Variants in PALM2AKAP2 observed in about 807,000 individuals in gnomAD.
PALM2AKAP2 encodes PALM2 and AKAP2 fusion.
In PALM2AKAP2, 37 loss-of-function variants were observed where a neutral mutation model predicts 71.5. That is an observed-to-expected ratio of 0.52 (90% confidence interval 0.40 to 0.68). The LOEUF is 0.68. PALM2AKAP2 is among the 30% of genes least tolerant of loss of function. PALM2AKAP2 has a pLI of 0.00. For synonymous variants in PALM2AKAP2, 468 were observed against 478.8 expected, an observed-to-expected ratio of 0.98 and a Z score of 0.29; for missense variants, 1,224 against 1,191.8, an observed-to-expected ratio of 1.03 and a Z score of -0.40.
chr9:109,931,264 C>T (rs1026168430), intron 5 of PALM2AKAP2, among the ~76,000 whole-genome samples: 1 of 152,194 alleles, frequency 6.6e-6, no homozygotes, highest in African/African-American at 2.4e-5. Flanking sequence ...CTAATGGGCT[C>T]CTTCTTTTAC....
exon 4 of PALM2AKAP2, chr9:110,170,629 T>C (rs774846221): frequency 6.6e-6 from 1 of 152,244 alleles, no homozygotes; most frequent in Non-Finnish European, 1.5e-5. Context: ...GAATGAATTC[T>C]CAACAAAATG....
At position 109,925,045 on chromosome 9, in the gene PALM2AKAP2, G is replaced by C; in HGVS notation, c.373-16G>C. On this transcript the variant is annotated splice_polypyrimidine_tract_variant and intron_variant, in intron 4 of 9. Coordinates refer to the PALM2AKAP2 transcript ENST00000302798. ...CACATGTAGAGTAACGCTCTGCCTT[G>C]TTTTTGTTCCTACAGGGTTTCTCCA... is the stretch of plus-strand genomic sequence containing the variant. 1 of 1,614,120 alleles carries C rather than the reference G, an allele frequency of 6.2e-7. No homozygotes were observed. Among genetic ancestry groups the C allele is most frequent in the African/African-American group, 1.3e-5 (1 of 75,020 alleles).
At chr9:109,690,613 T>C (rs2118545077) in intron 1 of PALM2AKAP2, among the ~76,000 whole-genome samples, 1 of 152,312 alleles carries the variant, frequency 6.6e-6, no homozygotes, top group Non-Finnish European at 1.5e-5. Context: ...GGATACACAT[T>C]TATGATTTTT....
At chr9:109,829,504 C>G (rs546192231) in intron 1 of PALM2AKAP2, among the ~76,000 whole-genome samples, 1 of 152,126 alleles carries the variant, frequency 6.6e-6, no homozygotes, top group East Asian at 1.9e-4. Context: ...TTAGGACTAT[C>G]CTGCTCATTA....
At chr9:110,067,264 A>C (rs1834101025) in intron 1 of PALM2AKAP2, among the ~76,000 whole-genome samples, 1 of 152,186 alleles carries the variant, frequency 6.6e-6, no homozygotes, top group African/African-American at 2.4e-5. Flanking sequence ...CAAATATTGA[A>C]ATACTCTCAT....
rs71495118 is a variant in PALM2AKAP2 at position 110,058,826 on chromosome 9, T to A, written c.156+9971T>A. ...TCTTCTCTTTCTTCCTTTTCTGAGCTGAACAGCAACCTGTATCAATACTGG... is the reference window on the plus strand; with the variant it reads ...TCTTCTCTTTCTTCCTTTTCTGAGCAGAACAGCAACCTGTATCAATACTGG... On this transcript the variant is annotated intron_variant, in intron 1 of 3. Coordinates refer to ENST00000374525, the Ensembl canonical transcript of PALM2AKAP2. 7.7e-3 allele frequency among the ~76,000 whole-genome samples: 1,175 copies of A among 152,076 alleles called. 9 individuals are homozygous for A. Among genetic ancestry groups the A allele is most frequent in the Admixed American group, 0.011 (170 of 15,266 alleles).
chr9:109,854,240 G>A (rs1445853931), intron 1 of PALM2AKAP2, among the ~76,000 whole-genome samples: 1 of 152,218 alleles, frequency 6.6e-6, no homozygotes, highest in Non-Finnish European at 1.5e-5. Context: ...CCAAAGAGGA[G>A]ACATAAGAAG....
chr9:110,014,962 T>C (rs1357962017), intron 6 of PALM2AKAP2, among the ~76,000 whole-genome samples: 1 of 151,016 alleles, frequency 6.6e-6, no homozygotes, highest in Non-Finnish European at 1.5e-5. Context: ...TTTACTATAT[T>C]GTGTTTAAAG....
chr9:110,114,198 CT>C (rs1349481054), intron 1 of PALM2AKAP2, among the ~76,000 whole-genome samples: 2 of 152,310 alleles, frequency 1.3e-5, no homozygotes, highest in African/African-American at 4.8e-5. Context: ...CGTTCCATGC[CT>C]TTCTCCTAGC....
At position 109,848,563 on chromosome 9, in the gene PALM2AKAP2, T is replaced by C. The variant is rs370355072; in HGVS notation, c.46-18928T>C. 1.2e-4 allele frequency among the ~76,000 whole-genome samples: 19 copies of C among 152,290 alleles called. No individual in the cohort carries two copies. The East Asian group carries it at 3.7e-3, about 29-fold the overall frequency. On this transcript the variant is annotated intron_variant, in intron 1 of 9. Transcript: ENST00000302798. Reference sequence around the variant, plus strand: ...CAGGACTGAGGGAAGTAGTCAGTTCTTGGTGCTCTCTAATAGGGCTCTGAA... The same window carrying C: ...CAGGACTGAGGGAAGTAGTCAGTTCCTGGTGCTCTCTAATAGGGCTCTGAA...
chr9:110,039,695 T>TAGC (rs10536981), intron 7 of PALM2AKAP2, among the ~76,000 whole-genome samples: 7 of 151,306 alleles, frequency 4.6e-5, no homozygotes, highest in Admixed American at 1.3e-4. Flanking sequence ...TCAAACATAG[T>TAGC]AGCAGCAGCA....
At chr9:109,671,285 G>A (rs1827567680) in intron 1 of PALM2AKAP2, among the ~76,000 whole-genome samples, 1 of 152,164 alleles carries the variant, frequency 6.6e-6, no homozygotes, top group South Asian at 2.1e-4. Context: ...TCTGTATATA[G>A]TATAAGAAAG....
Position 110,168,435 on chromosome 9 carries a change from G to A in PALM2AKAP2, c.2785G>A (p.Ala929Thr), listed in dbSNP as rs770438173. The change falls in exon 4 of 4, where the codon GCA (alanine) becomes ACA (threonine). Residue 929 changes from alanine to threonine, a missense_variant. By Grantham distance (58) the Ala-to-Thr change is moderately conservative. Coordinates refer to ENST00000374525, the Ensembl canonical transcript of PALM2AKAP2. ...CACACGGGTTAATCGAAGAAAGAGC[G>A]CACTGGCTTTGCGCTGGGAAGCAGG... 2.3e-5 allele frequency: 37 copies of A among 1,614,046 alleles called. No homozygotes were observed. Among genetic ancestry groups the A allele is most frequent in the Admixed American group, 1.7e-4 (10 of 59,990 alleles).
chr9:109,984,201 G>A (rs1832330892), intron 6 of PALM2AKAP2, among the ~76,000 whole-genome samples: 1 of 152,140 alleles, frequency 6.6e-6, no homozygotes, highest in South Asian at 2.1e-4. Flanking sequence ...GTACAGTGAA[G>A]TATATCTCTA....
intron 1 of PALM2AKAP2, among the ~76,000 whole-genome samples, chr9:109,753,152 A>G (rs1172026924): frequency 1.3e-5 from 2 of 152,156 alleles, no homozygotes. Context: ...TTCAAAGCCC[A>G]TGTTCATTTT....
intron 3 of PALM2AKAP2, among the ~76,000 whole-genome samples, chr9:109,897,658 G>A (rs1830233574): frequency 6.6e-6 from 1 of 152,158 alleles, no homozygotes; most frequent in Non-Finnish European, 1.5e-5. Context: ...TTTGCTTCAA[G>A]CAAATGGAAT....
chr9:109,797,683 G>C (rs1389239881), intron 1 of PALM2AKAP2, among the ~76,000 whole-genome samples: 2 of 152,212 alleles, frequency 1.3e-5, no homozygotes, highest in Non-Finnish European at 2.9e-5. Context: ...AGGGGCATGT[G>C]TGGGAAGCAG....
At chr9:109,862,803 G>T in intron 1 of PALM2AKAP2, 1 of 461,522 alleles carries the variant, frequency 2.2e-6, no homozygotes. Context: ...CATCATAGAT[G>T]AATTGTTTTT....
intron 1 of PALM2AKAP2, among the ~76,000 whole-genome samples, chr9:109,837,701 A>G (rs1828520706): frequency 6.6e-6 from 1 of 152,184 alleles, no homozygotes; most frequent in Non-Finnish European, 1.5e-5. Context: ...AAGGAAATGG[A>G]AAACAAAAAA....
Sources: allele counts gnomAD v4.1 joint callset (sites outside exome capture counted in the v4.1 genomes callset), GRCh38; gene constraint gnomAD v4.1.1; transcripts MANE v1.5; gene names NCBI Gene and HGNC (gene_info 2026-07-23, HGNC 2026-07-21).